ZNG1A: variants seen among roughly 807,000 people sequenced by gnomAD.
ZNG1A encodes zinc-regulated GTPase metalloprotein activator 1A.
the ZNG1A span, among the ~76,000 whole-genome samples, chr9:136,722 C>CA: frequency 6.8e-6 from 1 of 147,078 alleles, no homozygotes; most frequent in Non-Finnish European, 1.5e-5. Context: ...CTCTTGGACC[C>CA]AACAGAGATA....
the ZNG1A span, among the ~76,000 whole-genome samples, chr9:164,227 T>C: frequency 7.1e-6 from 1 of 140,268 alleles, no homozygotes; most frequent in Non-Finnish European, 1.5e-5. Context: ...TTTTACTATT[T>C]ATACCCATTC....
At chr9:171,161 G>A in the ZNG1A span, among the ~76,000 whole-genome samples, 2 of 152,018 alleles carry the variant, frequency 1.3e-5, no homozygotes, top group South Asian at 4.2e-4. Flanking sequence ...ATACTACTTT[G>A]AAAACATGGG....
chr9:175,373 T>C, the ZNG1A span, among the ~76,000 whole-genome samples: 1 of 150,204 alleles, frequency 6.7e-6, no homozygotes, highest in Non-Finnish European at 1.5e-5. Context: ...AGAGACTCCA[T>C]CTCAAAAAAA....
the ZNG1A span, chr9:121,465 T>C: frequency 6.2e-7 from 1 of 1,611,062 alleles, no homozygotes; most frequent in Non-Finnish European, 8.5e-7. Context: ...ATGCCTCTAG[T>C]GTTATGTACA....
the ZNG1A span, among the ~76,000 whole-genome samples, chr9:177,320 T>C: frequency 1.2e-4 from 18 of 151,984 alleles, no homozygotes; most frequent in African/African-American, 2.7e-4. Flanking sequence ...AAGGCTAACA[T>C]GCAACGAATA....
At chr9:140,324 G>GCAGA in the ZNG1A span, among the ~76,000 whole-genome samples, 10 of 151,910 alleles carry the variant, frequency 6.6e-5, no homozygotes, top group South Asian at 2.1e-3. Flanking sequence ...CTGAGAACGG[G>GCAGA]CAGACTGCCT....
chr9:163,274 A>G, the ZNG1A span, among the ~76,000 whole-genome samples: 64,593 of 150,036 alleles, frequency 0.43, 16,034 homozygotes, highest in Non-Finnish European at 0.56. Context: ...ATAAAGTAAG[A>G]CAGGAGTGTT....
At chr9:137,576 C>T in the ZNG1A span, among the ~76,000 whole-genome samples, 358 of 151,920 alleles carry the variant, frequency 2.4e-3, no homozygotes, top group African/African-American at 7.4e-3. Flanking sequence ...AGAGCTGGAA[C>T]CTTGAAGTAA....
chr9:156,569 A>G, the ZNG1A span: 4 of 1,585,952 alleles, frequency 2.5e-6, no homozygotes, highest in Admixed American at 6.8e-5. Context: ...ATAATACAAT[A>G]AAAAATCTAA....
the ZNG1A span, chr9:146,960 G>C: frequency 6.6e-6 from 1 of 151,738 alleles, no homozygotes; most frequent in Non-Finnish European, 1.5e-5. Flanking sequence ...CGGATCACAA[G>C]GTCAAGATCA....
At chr9:125,430 C>A in the ZNG1A span, among the ~76,000 whole-genome samples, 3 of 147,290 alleles carry the variant, frequency 2.0e-5, no homozygotes, top group Admixed American at 2.0e-4. Flanking sequence ...TGTTGGAGTT[C>A]ATTGTAGATT....
chr9:169,827 A>C, the ZNG1A span, among the ~76,000 whole-genome samples: 1 of 135,634 alleles, frequency 7.4e-6, no homozygotes, highest in East Asian at 2.1e-4. Flanking sequence ...TACACATTTT[A>C]TAGACTACAG....
chr9:176,670 T>C, the ZNG1A span, among the ~76,000 whole-genome samples: 6 of 151,968 alleles, frequency 3.9e-5, no homozygotes, highest in Admixed American at 2.0e-4. Context: ...AAGTATAGAA[T>C]GGAAGAGAGA....
At chr9:169,144 T>C in the ZNG1A span, among the ~76,000 whole-genome samples, 1 of 152,162 alleles carries the variant, frequency 6.6e-6, no homozygotes. Flanking sequence ...CTAGATGCCA[T>C]TAAGAACATT....
the ZNG1A span, among the ~76,000 whole-genome samples, chr9:141,296 C>G: frequency 0.65 from 70,652 of 108,894 alleles, 25,002 homozygotes; most frequent in Middle Eastern, 0.69. Flanking sequence ...AGAGAGAAAG[C>G]TCGGGTTACC....
At chr9:170,141 A>G in the ZNG1A span, among the ~76,000 whole-genome samples, 10 of 147,306 alleles carry the variant, frequency 6.8e-5, no homozygotes, top group Admixed American at 6.7e-4. Flanking sequence ...ATGGCTGTAC[A>G]GTATAAGAAT....
the ZNG1A span, chr9:177,967 C>G: frequency 4.7e-6 from 3 of 636,426 alleles, no homozygotes; most frequent in South Asian, 2.0e-5. Flanking sequence ...TGGCCCAAGT[C>G]TGTACCTGTC....
the ZNG1A span, chr9:163,931 A>G: frequency 1.3e-6 from 2 of 1,555,850 alleles, no homozygotes; most frequent in Non-Finnish European, 1.7e-6. Context: ...GTCTCAGAAA[A>G]AAAAAAAAAA....
the ZNG1A span, among the ~76,000 whole-genome samples, chr9:158,750 C>T: frequency 6.6e-6 from 1 of 151,260 alleles, no homozygotes; most frequent in Non-Finnish European, 1.5e-5. Context: ...CCAATATTTA[C>T]AGCTGTATTA....
Sources: gnomAD v4.1 joint callset for allele counts (sites outside exome capture counted in the v4.1 genomes callset) on GRCh38, gnomAD v4.1.1 for gene constraint, MANE v1.5 for transcripts, NCBI Gene and HGNC (gene_info 2026-07-23, HGNC 2026-07-21) for gene names.